KIF21B: variants seen among roughly 807,000 people sequenced by gnomAD.
KIF21B encodes kinesin-like protein KIF21B.
In KIF21B, 85 loss-of-function variants were observed where a neutral mutation model predicts 192.9. The observed-to-expected ratio is 0.44, with a 90% CI of 0.37 to 0.53. The LOEUF (loss-of-function observed/expected upper bound fraction) is 0.53, where lower values mean the gene tolerates loss of function less well. KIF21B is among the 20% of genes least tolerant of loss of function. KIF21B has a pLI of 0.00. For missense variants in KIF21B, 1,716 were observed against 2,194.8 expected, an observed-to-expected ratio of 0.78 and a Z score of 4.36; for synonymous variants, 832 against 884.6, an observed-to-expected ratio of 0.94 and a Z score of 1.05.
At chr1:201,004,492 A>C in intron 6 of KIF21B, 37 bp from the exon 7 acceptor site, 2 of 1,503,820 alleles carry the variant, frequency 1.3e-6, no homozygotes, top group Non-Finnish European at 1.8e-6. Context: ...GCAGTCACTC[A>C]GGGAGCGAAG....
chr1:200,979,692 A>G lies in KIF21B; in HGVS notation c.4003T>C (p.Leu1335=), dbSNP rs1054255130. 1 of 1,542,578 alleles carries G rather than the reference A, an allele frequency of 6.5e-7. No individual in the cohort carries two copies. The highest frequency in any genetic ancestry group is 2.0e-5 in the Admixed American group (1 of 50,400). Residue 1335 remains leucine (L), a synonymous_variant, in exon 30 of 35, where the codon TTG becomes CTG. Transcript: ENST00000461742. ...GCTGCGATCTCCTGTCCCGTAACCA[A>G]GTTCCACATCTTGCAGCTTCGGTCT... is the stretch of plus-strand genomic sequence containing the variant. ...SKDRSCKMWN[L]VTGQEIAALK...
intron 34 of KIF21B, chr1:200,974,181 T>C: frequency 6.4e-7 from 1 of 1,556,700 alleles, no homozygotes; most frequent in Non-Finnish European, 8.7e-7. Context: ...TTCCACAACT[T>C]TACCCGGCAG....
At chr1:201,011,699 AT>A (rs1658245045) in intron 1 of KIF21B, among the ~76,000 whole-genome samples, 1 of 152,222 alleles carries the variant, frequency 6.6e-6, no homozygotes, top group Non-Finnish European at 1.5e-5. Flanking sequence ...GCATCCAGGT[AT>A]TCCTAGGTAA....
chr1:200,983,628 T>C (rs890205366), intron 27 of KIF21B, among the ~76,000 whole-genome samples: 3 of 152,168 alleles, frequency 2.0e-5, no homozygotes, highest in Non-Finnish European at 4.4e-5. Flanking sequence ...CTGTGCACCA[T>C]GCACAGGCTC....
At chr1:200,981,285 T>C (rs1027659242) in intron 28 of KIF21B, among the ~76,000 whole-genome samples, 189 bp from the exon 29 acceptor site, 2 of 152,222 alleles carry the variant, frequency 1.3e-5, no homozygotes, top group Non-Finnish European at 1.5e-5. Flanking sequence ...AGAGTGGAGA[T>C]AGCCTGTCTT....
In KIF21B at chr1:200,992,274, C is replaced by T. The variant is rs1427634302; in HGVS notation, c.2385+8G>A. On this transcript the variant is annotated splice_region_variant and intron_variant, in intron 16 of 34. Coordinates refer to ENST00000461742, the MANE Select transcript of KIF21B (RefSeq NM_001252102.2). ...AGGCTCCTGGGAGGCTCAAGGGCCA[C>T]CCCTCACCTCCTGTCGCCGCTGCTC... is the stretch of plus-strand genomic sequence containing the variant. The T allele has an allele frequency of 1.9e-6, 3 of 1,610,086 alleles. No homozygotes were observed. The highest frequency in any genetic ancestry group is 1.7e-6 in the Non-Finnish European group (2 of 1,179,672).
At chr1:201,005,102 T>C (rs1467186755) in intron 5 of KIF21B, among the ~76,000 whole-genome samples, 169 bp from the exon 6 acceptor site, 1 of 152,260 alleles carries the variant, frequency 6.6e-6, no homozygotes, top group Non-Finnish European at 1.5e-5. Flanking sequence ...CTGATTTCCA[T>C]TTAATCCTCA....
chr1:200,999,359 G>C lies in KIF21B; in HGVS notation c.1875C>G (p.Pro625=), dbSNP rs750180180. Residue 625 remains proline, a synonymous_variant, in exon 13 of 35, where the codon CCC becomes CCG. Coordinates refer to ENST00000461742, the MANE Select transcript of KIF21B (RefSeq NM_001252102.2). The surrounding 1 kb of genome is among the most constrained non-coding windows in gnomAD (Gnocchi z 4.7). ...CTCAGGCCCACGCACCCTTCTCCTC[G>C]GGGTCTGAGTCTGAGTCCACCAGGC... is the stretch of plus-strand genomic sequence containing the variant. ...EESLVDSDSD[P]EEKEVNFQAD... 2 of 1,614,018 alleles carry C rather than the reference G, an allele frequency of 1.2e-6. No homozygotes were observed. The highest frequency in any genetic ancestry group is 2.2e-5 in the East Asian group (1 of 44,864).
In KIF21B at chr1:201,003,658, C is replaced by T; in HGVS notation, c.1140G>A (p.Lys380=). Residue 380 remains lysine (K), a synonymous_variant, in exon 8 of 35, where the codon AAG becomes AAA. Coordinates refer to ENST00000461742, the MANE Select transcript of KIF21B (RefSeq NM_001252102.2). ...IKNKVVVNQD[K]TSQQISALRA... is the part of the protein sequence containing the mutation. ...GCAGTGCACTGATTTGCTGGCTGGT[C>T]TTGTCCTGGTTCACTACCACCTTGT... is the stretch of plus-strand genomic sequence containing the variant. 6.2e-7 allele frequency: 1 copy of T among 1,614,244 alleles called. No homozygotes were observed. The highest frequency in any genetic ancestry group is 8.5e-7 in the Non-Finnish European group (1 of 1,180,040).
intron 34 of KIF21B, chr1:200,974,011 A>C (rs771645949): frequency 1.4e-5 from 22 of 1,563,568 alleles, no homozygotes; most frequent in East Asian, 4.8e-5. Context: ...TACCGTTAAG[A>C]AGCAGCTCAG....
In KIF21B at chr1:201,002,342, T is replaced by G. The variant is rs1337605516; in HGVS notation, c.1221A>C (p.Arg407=). The stretch of plus-strand genomic sequence containing the variant: ...CCTCAGCGCCATCCTCTCCTATCAC[T>G]CGCTTGCCCTGGGAGCAGGGGCAAA... ...MELMEYKAGK[R]VIGEDGAEGY... The change falls in exon 9 of 35, where the codon CGA becomes CGC. Residue 407 remains arginine, a synonymous_variant. Transcript: ENST00000461742. 1 of 1,612,232 alleles carries G rather than the reference T, an allele frequency of 6.2e-7. No individual in the cohort carries two copies. The highest frequency in any genetic ancestry group is 8.5e-7 in the Non-Finnish European group (1 of 1,178,506).
Position 200,975,477 on chromosome 1 carries a change from C to T in KIF21B, c.4614+22G>A, listed in dbSNP as rs1163163654. 2 of 1,598,884 alleles carry T rather than the reference C, an allele frequency of 1.3e-6. No individual in the cohort carries two copies. The highest frequency in any genetic ancestry group is 3.4e-5 in the Admixed American group (2 of 59,500). On this transcript the variant is annotated intron_variant, in intron 33 of 34. Coordinates refer to ENST00000461742, the MANE Select transcript of KIF21B (RefSeq NM_001252102.2). This position sits in a 1 kb window ranked among gnomAD's most constrained non-coding sequence, Gnocchi z 4.3. Reference sequence around the variant, plus strand: ...AAACCACCCTACCCGAGTCTACCCTCTCCCTTTCCTCCTGACCCCACCTGG... The same window carrying T: ...AAACCACCCTACCCGAGTCTACCCTTTCCCTTTCCTCCTGACCCCACCTGG...
chr1:200,989,895 G>T, intron 21 of KIF21B, 47 bp downstream of exon 21: 1 of 1,442,220 alleles, frequency 6.9e-7, no homozygotes, highest in Non-Finnish European at 9.7e-7. Flanking sequence ...TATCACAGAG[G>T]CATCTGTGCC....
intron 27 of KIF21B, among the ~76,000 whole-genome samples, chr1:200,983,687 G>A (rs296558): frequency 0.41 from 62,647 of 152,098 alleles, 14,798 homozygotes; most frequent in South Asian, 0.61. Flanking sequence ...AGACCATCAG[G>A]CTGGGATGGG....
intron 7 of KIF21B, 27 bp downstream of exon 7, chr1:201,004,313 C>A: frequency 6.5e-7 from 1 of 1,530,616 alleles, no homozygotes; most frequent in East Asian, 2.4e-5. Flanking sequence ...TCCCCTGTCC[C>A]TTCCCTGGGT....
chr1:201,000,703 G>GCTCA lies in KIF21B; in HGVS notation c.1466+10_1466+13dup, dbSNP rs763142183. ...CCCCAGCCCGCGCACACCTGCCGGA[G>GCTCA]CTCACTCACTCACCGTAGCTCCTCG... On this transcript the variant is annotated intron_variant, in intron 10 of 34. Transcript: ENST00000461742. This position sits in a 1 kb window ranked among gnomAD's most constrained non-coding sequence, Gnocchi z 6.0. 1.2e-6 allele frequency: 2 copies of GCTCA among 1,614,138 alleles called. No individual in the cohort carries two copies. Among genetic ancestry groups the GCTCA allele is most frequent in the Non-Finnish European group, 1.7e-6 (2 of 1,180,004 alleles).
rs192094816 is a variant in KIF21B at position 200,975,301 on chromosome 1, C to T, written c.4614+198G>A. ...CAGGTTGCCTAAGAGGGAGATGTGG[C>T]ATCAGGAGAGGCCGCGGGTAGGGAA... On this transcript the variant is annotated intron_variant, in intron 33 of 34. Coordinates refer to ENST00000461742, the MANE Select transcript of KIF21B (RefSeq NM_001252102.2). The surrounding 1 kb of genome is among the most constrained non-coding windows in gnomAD (Gnocchi z 4.3). Among the ~76,000 whole-genome samples the T allele has an allele frequency of 8.3e-4, 127 of 152,278 alleles. 1 individual carries two copies. The highest frequency in any genetic ancestry group is 2.7e-3 in the African/African-American group (113 of 41,546).
At chr1:200,992,755 T>G (rs59682551) in intron 15 of KIF21B, among the ~76,000 whole-genome samples, 27,907 of 152,180 alleles carry the variant, frequency 0.18, 2,791 homozygotes, top group Non-Finnish European at 0.23. Flanking sequence ...TGGAGGCAGG[T>G]AATCCTCTCC....
rs1255324627 is a variant in KIF21B at position 200,998,986 on chromosome 1, C to A, written c.1885+363G>T. ...CCATTTAGAGGAGAGGGCTTTGGCA[C>A]CAGTCAGGCCTACATTCATGTTTGC... On this transcript the variant is annotated intron_variant, in intron 13 of 34. Coordinates refer to ENST00000461742, the MANE Select transcript of KIF21B (RefSeq NM_001252102.2). The surrounding 1 kb of genome is among the most constrained non-coding windows in gnomAD (Gnocchi z 4.3). Among the ~76,000 whole-genome samples the A allele has an allele frequency of 6.6e-6, 1 of 152,240 alleles. No individual in the cohort carries two copies. The highest frequency in any genetic ancestry group is 1.9e-4 in the East Asian group (1 of 5,166).
Sources: gnomAD v4.1 joint callset for allele counts (sites outside exome capture counted in the v4.1 genomes callset) on GRCh38, gnomAD v4.1.1 for gene constraint, Gnocchi (gnomAD v3.1) non-coding constraint, MANE v1.5 for transcripts, NCBI Gene and HGNC (gene_info 2026-07-23, HGNC 2026-07-21) for gene names.